TRIO: variants seen among roughly 807,000 people sequenced by gnomAD.
The protein encoded by TRIO is triple functional domain protein.
Under a neutral mutation model 351.9 loss-of-function variants are expected in TRIO, and 58 were observed. The ratio of observed to expected loss-of-function variants is 0.16; its 90% CI spans 0.13 to 0.21. The LOEUF (loss-of-function observed/expected upper bound fraction) is 0.21, where lower values mean the gene tolerates loss of function less well. Among genes scored for constraint, TRIO ranks in the 10% least tolerant of loss-of-function variants. TRIO has a pLI of 1.00. For synonymous variants in TRIO, 1,758 were observed against 1,595.7 expected (o/e 1.10, Z -2.42); for missense variants, 3,201 against 4,027.8 (o/e 0.79, Z 5.56).
At chr5:14,253,938 C>A (rs1315644962) in intron 1 of TRIO, among the ~76,000 whole-genome samples, 6 of 150,610 alleles carry the variant, frequency 4.0e-5, no homozygotes, top group Admixed American at 4.0e-4. Context: ...TAAAGGAAGT[C>A]TCAAAAGTGT....
chr5:14,209,395 G>A (rs369669183), intron 1 of TRIO, among the ~76,000 whole-genome samples: 3 of 152,280 alleles, frequency 2.0e-5, no homozygotes, highest in East Asian at 1.9e-4. Flanking sequence ...TGAGCTCTTC[G>A]GAAGTCACCA....
At chr5:14,176,004 A>T (rs1789382415) in intron 1 of TRIO, among the ~76,000 whole-genome samples, 1 of 152,234 alleles carries the variant, frequency 6.6e-6, no homozygotes, top group South Asian at 2.1e-4. Flanking sequence ...AATACATTGT[A>T]TGCTAATTCC....
chr5:14,487,875 A>G lies in TRIO; in HGVS notation c.7247A>G (p.Glu2416Gly). The change falls in exon 48 of 57, where the codon GAG (glutamate) becomes GGG (glycine). Residue 2416 changes from glutamate (E) to glycine (G), a missense_variant. Physicochemically the swap from Glu to Gly is moderately conservative, Grantham distance 98. Coordinates refer to ENST00000344204, the MANE Select transcript of TRIO (RefSeq NM_007118.4). ...CCGATCCCCAAGATGAAGGTGCTGG[A>G]GAGCCCCAGGAAAGGCGCCGCGAAC... ...AEPIPKMKVL[E>G]SPRKGAANAS... 6.5e-7 allele frequency: 1 copy of G among 1,539,908 alleles called. No homozygotes were observed. The highest frequency in any genetic ancestry group is 1.8e-4 in the Middle Eastern group (1 of 5,508).
chr5:14,309,536 A>C (rs1035335768), intron 8 of TRIO, among the ~76,000 whole-genome samples: 11 of 152,162 alleles, frequency 7.2e-5, no homozygotes, highest in Admixed American at 5.2e-4. Flanking sequence ...TGCAGACTTG[A>C]GTGTCTTGGC....
chr5:14,259,893 G>A (rs1795243866), intron 1 of TRIO, among the ~76,000 whole-genome samples: 1 of 152,066 alleles, frequency 6.6e-6, no homozygotes, highest in Admixed American at 6.6e-5. Flanking sequence ...CATCTAAAGA[G>A]CAGGACTTGG....
chr5:14,426,574 AATG>A (rs1401966438), intron 34 of TRIO, among the ~76,000 whole-genome samples: 1 of 152,228 alleles, frequency 6.6e-6, no homozygotes, highest in African/African-American at 2.4e-5. Flanking sequence ...TTGTAACAGG[AATG>A]ATGATTGCAG....
chr5:14,381,066 G>C, intron 20 of TRIO, 64 bp from the exon 21 acceptor site: 1 of 1,546,320 alleles, frequency 6.5e-7, no homozygotes, highest in Non-Finnish European at 8.7e-7. Flanking sequence ...TGAGGTGCTC[G>C]GGGCTTTGGG....
rs1755611197 is a variant in TRIO at position 14,482,623 on chromosome 5, A to G, written c.6507A>G (p.Thr2169=). 1 of 1,573,960 alleles carries G rather than the reference A, an allele frequency of 6.4e-7. No individual in the cohort carries two copies. Among genetic ancestry groups the G allele is most frequent in the Non-Finnish European group, 8.7e-7 (1 of 1,155,926 alleles). The stretch of plus-strand genomic sequence containing the variant: ...AGGGTAAACTGCTCTTGCAGGACAC[A>G]TTCTTGGTCACAGACCAAGATGCAG... ...VAQGKLLLQD[T]FLVTDQDAGL... The change falls in exon 46 of 57, where the codon ACA becomes ACG. Residue 2169 remains threonine (T), a synonymous_variant. Transcript: ENST00000344204.
intron 34 of TRIO, among the ~76,000 whole-genome samples, chr5:14,459,144 A>G (rs1427863039): frequency 6.6e-6 from 1 of 152,150 alleles, no homozygotes; most frequent in African/African-American, 2.4e-5. Context: ...AATCTTCACT[A>G]ATCTGTGTCT....
chr5:14,326,147 T>C (rs1165652630), intron 9 of TRIO, among the ~76,000 whole-genome samples: 9 of 152,156 alleles, frequency 5.9e-5, no homozygotes, highest in Admixed American at 5.9e-4. Context: ...TGTAAGAGGA[T>C]AGGGATCGCC....
At chr5:14,279,798 CTGGACCAGTGAGGGTCAGG>C (rs1425597554) in intron 2 of TRIO, among the ~76,000 whole-genome samples, 1 of 152,252 alleles carries the variant, frequency 6.6e-6, no homozygotes, top group Non-Finnish European at 1.5e-5. Flanking sequence ...ACTGGCAAAG[CTGGACCAGTGAGGGTCAGG>C]TGCCATCCGT....
chr5:14,425,700 A>G (rs574492713), intron 34 of TRIO, among the ~76,000 whole-genome samples: 1 of 152,336 alleles, frequency 6.6e-6, no homozygotes, highest in African/African-American at 2.4e-5. Context: ...TAATTAGATC[A>G]TGAGGGCAGA....
In TRIO at chr5:14,479,904, C is replaced by T; in HGVS notation, c.6244-15C>T. On this transcript the variant is annotated splice_polypyrimidine_tract_variant and intron_variant, in intron 42 of 56. Coordinates refer to ENST00000344204, the MANE Select transcript of TRIO (RefSeq NM_007118.4). ...GAACAGCCCATACGATCTTTTCTCT[C>T]TCTTAAAACTGTAGGACTTAAAGCA... 6.2e-7 allele frequency: 1 copy of T among 1,613,462 alleles called. No individual in the cohort carries two copies. The highest frequency in any genetic ancestry group is 8.5e-7 in the Non-Finnish European group (1 of 1,179,500).
chr5:14,335,652 T>C (rs1367075035), intron 10 of TRIO, among the ~76,000 whole-genome samples: 1 of 152,234 alleles, frequency 6.6e-6, no homozygotes, highest in Non-Finnish European at 1.5e-5. Flanking sequence ...AGAGCCATTA[T>C]AGTTATTATT....
Position 14,336,417 on chromosome 5 carries a change from A to G in TRIO, c.1855-119A>G. Reference sequence around the variant, plus strand: ...TCTCCCCATCATATTTTTCTGTTTGATTCATGTAAGTGATCAAAAATATCA... The same window carrying G: ...TCTCCCCATCATATTTTTCTGTTTGGTTCATGTAAGTGATCAAAAATATCA... On this transcript the variant is annotated intron_variant, in intron 10 of 56. Coordinates refer to ENST00000344204, the MANE Select transcript of TRIO (RefSeq NM_007118.4). The G allele has an allele frequency of 3.9e-6, 4 of 1,031,462 alleles. No individual in the cohort carries two copies. The South Asian group carries it at 6.3e-5, about 16-fold the overall frequency. The allele number at this position is 1,031,462 out of a possible 1,614,324, so 63.9% of individuals were successfully genotyped here. A position where few individuals can be genotyped will look rare whatever the true frequency, so the allele number is the denominator to read the frequency against.
intron 1 of TRIO, among the ~76,000 whole-genome samples, chr5:14,154,800 A>G (rs890285561): frequency 6.6e-6 from 1 of 152,216 alleles, no homozygotes; most frequent in African/African-American, 2.4e-5. Context: ...CAGACACTGT[A>G]TAATCAGAAG....
At chr5:14,479,739 C>G (rs1330088502) in intron 42 of TRIO, among the ~76,000 whole-genome samples, 180 bp from the exon 43 acceptor site, 1 of 152,114 alleles carries the variant, frequency 6.6e-6, no homozygotes, top group Non-Finnish European at 1.5e-5. Flanking sequence ...TGAAAAACAA[C>G]TCAGGTGAAA....
At chr5:14,335,219 T>G (rs142089175) in intron 10 of TRIO, among the ~76,000 whole-genome samples, 1 of 152,276 alleles carries the variant, frequency 6.6e-6, no homozygotes, top group East Asian at 1.9e-4. Context: ...GGCTTACTTG[T>G]GTAATTCCAT....
At chr5:14,449,373 T>C (rs1325941252) in intron 34 of TRIO, among the ~76,000 whole-genome samples, 1 of 152,214 alleles carries the variant, frequency 6.6e-6, no homozygotes, top group Non-Finnish European at 1.5e-5. Context: ...TGGCATGTTC[T>C]GTTTGGTGAC....
Sources: gnomAD v4.1 joint callset for allele counts (sites outside exome capture counted in the v4.1 genomes callset) on GRCh38, gnomAD v4.1.1 for gene constraint, MANE v1.5 for transcripts, NCBI Gene and HGNC (gene_info 2026-07-23, HGNC 2026-07-21) for gene names.